Variants in SLC25A21 observed in about 807,000 individuals in gnomAD.
SLC25A21 encodes mitochondrial 2-oxodicarboxylate carrier.
SLC25A21 carries 47 observed loss-of-function variants against 43.8 expected under a neutral mutation model. The observed-to-expected ratio is 1.07, with a 90% confidence interval of 0.85 to 1.37. The LOEUF is 1.37. Ranked by LOEUF, SLC25A21 falls within the 40% of genes most tolerant of loss-of-function variation. The pLI is 0.00. For missense variants in SLC25A21, 352 were observed against 350.2 expected (o/e 1.00, Z -0.04); for synonymous variants, 131 against 121.3 (o/e 1.08, Z -0.52).
At chr14:37,069,952 T>C (rs1962138329) in intron 1 of SLC25A21, among the ~76,000 whole-genome samples, 3 of 152,158 alleles carry the variant, frequency 2.0e-5, no homozygotes, top group Non-Finnish European at 4.4e-5. Flanking sequence ...ACACGCACAT[T>C]ACTGTTCACC....
intron 7 of SLC25A21, among the ~76,000 whole-genome samples, chr14:36,695,572 C>T (rs993768249): frequency 3.3e-5 from 5 of 152,106 alleles, no homozygotes; most frequent in African/African-American, 1.2e-4. Flanking sequence ...TTGTTTGTGT[C>T]CTCTTTTATT....
At chr14:37,128,337 A>G (rs2138901478) in intron 1 of SLC25A21, among the ~76,000 whole-genome samples, 1 of 152,254 alleles carries the variant, frequency 6.6e-6, no homozygotes, top group African/African-American at 2.4e-5. Context: ...AAGACAATAT[A>G]TTTTCTGTTG....
At chr14:37,029,643 C>G (rs1399566845) in intron 1 of SLC25A21, among the ~76,000 whole-genome samples, 2 of 151,952 alleles carry the variant, frequency 1.3e-5, no homozygotes, top group Non-Finnish European at 2.9e-5. Flanking sequence ...TTGTCTTACT[C>G]TGAAATACAG....
At chr14:36,687,071 C>A (rs541283492) in intron 7 of SLC25A21, among the ~76,000 whole-genome samples, 5 of 151,920 alleles carry the variant, frequency 3.3e-5, no homozygotes, top group African/African-American at 9.6e-5. Context: ...CCTGCCTCAG[C>A]CTCCTGAGTA....
At chr14:36,926,784 C>T (rs1892144675) in intron 1 of SLC25A21, among the ~76,000 whole-genome samples, 1 of 152,114 alleles carries the variant, frequency 6.6e-6, no homozygotes, top group African/African-American at 2.4e-5. Context: ...CTCTTGCCAC[C>T]AAAACAATTC....
At chr14:36,715,562 T>C (rs1290118979) in intron 6 of SLC25A21, among the ~76,000 whole-genome samples, 10 of 152,196 alleles carry the variant, frequency 6.6e-5, no homozygotes, top group Non-Finnish European at 1.3e-4. Flanking sequence ...TAGTTACCAA[T>C]TGTGGGCCAA....
chr14:36,761,341 T>C (rs1886149182), intron 3 of SLC25A21, among the ~76,000 whole-genome samples: 1 of 152,244 alleles, frequency 6.6e-6, no homozygotes, highest in Non-Finnish European at 1.5e-5. Flanking sequence ...GAGCATTCAC[T>C]TCAGGCCACT....
chr14:36,689,690 C>T (rs949511740), intron 7 of SLC25A21, among the ~76,000 whole-genome samples: 2 of 152,180 alleles, frequency 1.3e-5, no homozygotes, highest in African/African-American at 4.8e-5. Flanking sequence ...CCCCACACCA[C>T]CACCATCAGC....
intron 1 of SLC25A21, among the ~76,000 whole-genome samples, chr14:37,094,621 T>C (rs556770182): frequency 2.6e-5 from 4 of 151,866 alleles, no homozygotes; most frequent in African/African-American, 7.3e-5. Context: ...TATATATATA[T>C]ACAAATACAC....
At chr14:37,021,206 GTTATATAGATGTAAAGAGAACTA>G (rs1960978657) in intron 1 of SLC25A21, among the ~76,000 whole-genome samples, 1 of 151,926 alleles carries the variant, frequency 6.6e-6, no homozygotes, top group Admixed American at 6.6e-5. Flanking sequence ...CCACTACATT[GTTATATAGATGTAAAGAGAACTA>G]ATGACTTTAA....
intron 2 of SLC25A21, among the ~76,000 whole-genome samples, chr14:36,872,769 T>G (rs1890411555): frequency 6.6e-6 from 1 of 152,194 alleles, no homozygotes; most frequent in Non-Finnish European, 1.5e-5. Flanking sequence ...AATGAAAATA[T>G]TTATGTAACA....
chr14:37,119,166 TC>T (rs2138888009), intron 1 of SLC25A21, among the ~76,000 whole-genome samples: 1 of 152,120 alleles, frequency 6.6e-6, no homozygotes, highest in South Asian at 2.1e-4. Flanking sequence ...CCCTAGATGG[TC>T]GAAAAAGGAG....
chr14:37,033,173 T>C (rs1221868186), intron 1 of SLC25A21, among the ~76,000 whole-genome samples: 2 of 152,216 alleles, frequency 1.3e-5, no homozygotes, highest in East Asian at 3.9e-4. Context: ...ACTTTGTTTC[T>C]ATGAATTTTA....
At chr14:36,857,496 CAA>C (rs1376694195) in intron 2 of SLC25A21, among the ~76,000 whole-genome samples, 1 of 152,196 alleles carries the variant, frequency 6.6e-6, no homozygotes, top group Non-Finnish European at 1.5e-5. Flanking sequence ...CCCCTTTCCA[CAA>C]AACGTAAAGA....
intron 1 of SLC25A21, among the ~76,000 whole-genome samples, chr14:37,140,918 G>A (rs550930448): frequency 2.6e-5 from 4 of 152,074 alleles, no homozygotes; most frequent in Non-Finnish European, 5.9e-5. Context: ...AGGCTGAGGC[G>A]GGTAGATCAC....
intron 1 of SLC25A21, among the ~76,000 whole-genome samples, chr14:36,921,250 C>T (rs1224850716): frequency 6.6e-6 from 1 of 152,056 alleles, no homozygotes; most frequent in Non-Finnish European, 1.5e-5. Context: ...TATTCTGTAC[C>T]ATACTCAAAG....
intron 3 of SLC25A21, among the ~76,000 whole-genome samples, chr14:36,772,169 T>C (rs1315277654): frequency 1.3e-5 from 2 of 152,078 alleles, no homozygotes; most frequent in Non-Finnish European, 2.9e-5. Flanking sequence ...AAAGCCTACA[T>C]AGGAAGTGAA....
chr14:36,886,606 A>G (rs2138576080), intron 1 of SLC25A21, among the ~76,000 whole-genome samples: 1 of 152,306 alleles, frequency 6.6e-6, no homozygotes, highest in Admixed American at 6.5e-5. Flanking sequence ...TGGTCTAGAA[A>G]TCACGGTAAA....
At chr14:37,128,715 T>C (rs1963342210) in intron 1 of SLC25A21, among the ~76,000 whole-genome samples, 1 of 152,030 alleles carries the variant, frequency 6.6e-6, no homozygotes, top group African/African-American at 2.4e-5. Flanking sequence ...AGTCTCCAGG[T>C]AGCTGGGACT....
Sources: gnomAD v4.1 joint callset for allele counts (sites outside exome capture counted in the v4.1 genomes callset) on GRCh38, gnomAD v4.1.1 for gene constraint, MANE v1.5 for transcripts, NCBI Gene and HGNC (gene_info 2026-07-23, HGNC 2026-07-21) for gene names.